Variants in STX11 observed in about 807,000 individuals in gnomAD.
STX11 encodes the protein syntaxin 11, also known as syntaxin-11.
STX11 carries 21 observed loss-of-function variants against 19.9 expected under a neutral mutation model. The ratio of observed to expected loss-of-function variants is 1.06; its 90% CI spans 0.75 to 1.52. The LOEUF (loss-of-function observed/expected upper bound fraction) is 1.52, where lower values mean the gene tolerates loss of function less well. Ranked by LOEUF, STX11 falls within the 40% of genes most tolerant of loss-of-function variation. STX11 has a pLI of 0.00. For missense variants in STX11, 438 were observed against 405.9 expected (o/e 1.08, Z -0.68); for synonymous variants, 193 against 174.4 (o/e 1.11, Z -0.84).
At chr6:144,149,773 G>A (rs1190790653), upstream of STX11, among the ~76,000 whole-genome samples, 1 of 152,154 alleles carries the variant, frequency 6.6e-6, no homozygotes, top group Non-Finnish European at 1.5e-5. The surrounding 1 kb of genome is among the most constrained non-coding windows in gnomAD (Gnocchi z 5.1). Context: ...ACCGCGCCCG[G>A]CCCGATTTTT....
Position 144,187,372 on chromosome 6 carries a change from G to A in STX11, c.745G>A (p.Val249Ile), listed in dbSNP as rs555738896. 39 of 1,610,520 alleles carry A rather than the reference G, an allele frequency of 2.4e-5. No individual in the cohort carries two copies. The African/African-American group carries it at 4.0e-4, about 17-fold the overall frequency. Residue 249 changes from valine (V) to isoleucine (I), a missense_variant, in exon 2 of 2, where the codon GTA becomes ATA. Val to Ile is a conservative substitution (Grantham distance 29, BLOSUM62 3). Coordinates refer to ENST00000367568, the MANE Select transcript of STX11 (RefSeq NM_003764.4). This position sits in a 1 kb window ranked among gnomAD's most constrained non-coding sequence, Gnocchi z 5.6. ...ADTLNVIELNVQKTVDYTGQA... is the reference protein window; with the variant it reads ...ADTLNVIELNIQKTVDYTGQA... Reference sequence around the variant, plus strand: ...CACCCTGAACGTCATCGAGCTCAACGTACAAAAGACGGTCGACTACACCGG... The same window carrying A: ...CACCCTGAACGTCATCGAGCTCAACATACAAAAGACGGTCGACTACACCGG...
At chr6:144,150,401 G>A (rs568360933), upstream of STX11, 84 of 792,794 alleles carry the variant, frequency 1.1e-4, 1 homozygote, top group South Asian at 4.3e-3. Context: ...GGTGGGGCGG[G>A]AACCCGCGCT....
chr6:144,178,251 A>T (rs1222099215), intron 1 of STX11, among the ~76,000 whole-genome samples: 1 of 152,188 alleles, frequency 6.6e-6, no homozygotes, highest in African/African-American at 2.4e-5. Flanking sequence ...GCTTAAACTC[A>T]TTAGGCCTCA....
rs759501406 is a variant in STX11, at chr6:144,187,074, C to G, written c.447C>G (p.Ala149=). ...GCGCCATGCACGACTACAACCAGGC[C>G]GAGATGAAGCAGCGCGACAACTGCA... is the stretch of plus-strand genomic sequence containing the variant. ...FQRAMHDYNQ[A]EMKQRDNCKI... is the part of the protein sequence containing the mutation. The change falls in exon 2 of 2, where the codon GCC becomes GCG. Residue 149 remains alanine (A), a synonymous_variant. Coordinates refer to ENST00000367568, the MANE Select transcript of STX11 (RefSeq NM_003764.4). The surrounding 1 kb of genome is among the most constrained non-coding windows in gnomAD (Gnocchi z 5.6). 1 of 1,613,552 alleles carries G rather than the reference C, an allele frequency of 6.2e-7. No homozygotes were observed. Among genetic ancestry groups the G allele is most frequent in the South Asian group, 1.1e-5 (1 of 91,086 alleles).
Position 144,188,398 on chromosome 6 carries a change from G to C in STX11, c.*907G>C. The C allele has an allele frequency of 4.4e-6, 1 of 226,032 alleles. No individual in the cohort carries two copies. The highest frequency in any genetic ancestry group is 9.6e-6 in the Non-Finnish European group (1 of 104,556). 14.0% of individuals were successfully genotyped at this position (226,032 alleles called of 1,614,324 possible). A position where few individuals can be genotyped will look rare whatever the true frequency, so the allele number is the denominator to read the frequency against. On this transcript the variant is annotated 3_prime_UTR_variant, in exon 2 of 2. Transcript: ENST00000367568. Reference sequence around the variant, plus strand: ...TCTGGCTCTTGGTATTGGTTTGCTTGTTTTGAGTTTGTTTCACTCCAGTTT... The same window carrying C: ...TCTGGCTCTTGGTATTGGTTTGCTTCTTTTGAGTTTGTTTCACTCCAGTTT...
the STX11 span, among the ~76,000 whole-genome samples, chr6:144,142,225 C>G: frequency 6.6e-6 from 1 of 151,750 alleles, no homozygotes; most frequent in Non-Finnish European, 1.5e-5. Context: ...ACATTGTAAC[C>G]AAACAATAGT....
At position 144,183,603 on chromosome 6, in the gene STX11, A is replaced by C. The variant is rs1000994810; in HGVS notation, c.-5-3020A>C. On this transcript the variant is annotated intron_variant, in intron 1 of 1. Transcript: ENST00000367568. This position sits in a 1 kb window ranked among gnomAD's most constrained non-coding sequence, Gnocchi z 4.6. Reference sequence around the variant, plus strand: ...ATTAAGTTGCAAAAACAAAGACACCACAGGAGTTTTAAATTAGACTTTTTT... The same window carrying C: ...ATTAAGTTGCAAAAACAAAGACACCCCAGGAGTTTTAAATTAGACTTTTTT... Among the ~76,000 whole-genome samples, 13 of 152,246 alleles carry C rather than the reference A, an allele frequency of 8.5e-5. No homozygotes were observed. Among genetic ancestry groups the C allele is most frequent in the African/African-American group, 3.1e-4 (13 of 41,462 alleles).
At position 144,176,811 on chromosome 6, in the gene STX11, TTTA is replaced by T. The variant is rs1354676371; in HGVS notation, c.-5-9811_-5-9809del. Among the ~76,000 whole-genome samples the T allele has an allele frequency of 2.6e-5, 4 of 152,158 alleles. No homozygotes were observed. The highest frequency in any genetic ancestry group is 5.9e-5 in the Non-Finnish European group (4 of 68,024). On this transcript the variant is annotated intron_variant, in intron 1 of 1. Coordinates refer to ENST00000367568, the MANE Select transcript of STX11 (RefSeq NM_003764.4). The surrounding 1 kb of genome is among the most constrained non-coding windows in gnomAD (Gnocchi z 4.1). ...AAAGCAAGGAAGTGTGTCCAGGCAT[TTTA>T]GAAGAGGATTTCCAACAAAGATAAG...
rs896900829 is a variant in STX11, at chr6:144,152,477, G to A, written c.-6+1774G>A. On this transcript the variant is annotated intron_variant, in intron 1 of 1. Coordinates refer to ENST00000367568, the MANE Select transcript of STX11 (RefSeq NM_003764.4). This position sits in a 1 kb window ranked among gnomAD's most constrained non-coding sequence, Gnocchi z 4.9. ...ATTTAAAAATGTATGAATTTGAAAG[G>A]TATGGTTTTTAAAGTGCTTGAATGA... Among the ~76,000 whole-genome samples the A allele has an allele frequency of 6.6e-6, 1 of 152,094 alleles. No homozygotes were observed. The highest frequency in any genetic ancestry group is 2.4e-5 in the African/African-American group (1 of 41,390).
intron 1 of STX11, among the ~76,000 whole-genome samples, chr6:144,168,351 A>G (rs1384335389): frequency 2.0e-5 from 3 of 152,204 alleles, no homozygotes; most frequent in African/African-American, 7.2e-5. Flanking sequence ...TAGTCCTTCA[A>G]TAAGCTCATC....
At position 144,154,741 on chromosome 6, in the gene STX11, C is replaced by G. The variant is rs1186969117; in HGVS notation, c.-6+4038C>G. 6.6e-6 allele frequency among the ~76,000 whole-genome samples: 1 copy of G among 152,208 alleles called. No homozygotes were observed. The highest frequency in any genetic ancestry group is 1.5e-5 in the Non-Finnish European group (1 of 68,036). On this transcript the variant is annotated intron_variant, in intron 1 of 1. Coordinates refer to ENST00000367568, the MANE Select transcript of STX11 (RefSeq NM_003764.4). The surrounding 1 kb of genome is among the most constrained non-coding windows in gnomAD (Gnocchi z 4.7). ...AATCCTATTTTGTTCTAGTTTTACCCTGAAGCAGGCGCCTTACCTGCCTCT... is the reference window on the plus strand; with the variant it reads ...AATCCTATTTTGTTCTAGTTTTACCGTGAAGCAGGCGCCTTACCTGCCTCT...
rs1801059449 is a variant in STX11 at position 144,153,557 on chromosome 6, G to A, written c.-6+2854G>A. Among the ~76,000 whole-genome samples the A allele has an allele frequency of 6.6e-6, 1 of 152,168 alleles. No homozygotes were observed. The highest frequency in any genetic ancestry group is 2.4e-5 in the African/African-American group (1 of 41,440). ...CCCATGAGGGTTTAATAGTACTGAAGCCTTTGAACAAGTGAATGATATTGT... is the reference window on the plus strand; with the variant it reads ...CCCATGAGGGTTTAATAGTACTGAAACCTTTGAACAAGTGAATGATATTGT... On this transcript the variant is annotated intron_variant, in intron 1 of 1. Coordinates refer to ENST00000367568, the MANE Select transcript of STX11 (RefSeq NM_003764.4). The surrounding 1 kb of genome is among the most constrained non-coding windows in gnomAD (Gnocchi z 5.0).
chr6:144,142,777 A>G, the STX11 span, among the ~76,000 whole-genome samples: 1 of 152,168 alleles, frequency 6.6e-6, no homozygotes, highest in Non-Finnish European at 1.5e-5. Context: ...GTCTGGTCAA[A>G]GGGTACAAAT....
chr6:144,178,627 C>T (rs1801830801), intron 1 of STX11, among the ~76,000 whole-genome samples: 2 of 152,194 alleles, frequency 1.3e-5, no homozygotes, highest in Admixed American at 1.3e-4. Context: ...GCTGTCTCCT[C>T]CAGCAGTGGT....
rs1218177527 is a variant in STX11, at chr6:144,165,235, A to G, written c.-6+14532A>G. On this transcript the variant is annotated intron_variant, in intron 1 of 1. Coordinates refer to ENST00000367568, the MANE Select transcript of STX11 (RefSeq NM_003764.4). This position sits in a 1 kb window ranked among gnomAD's most constrained non-coding sequence, Gnocchi z 5.8. ...TTTGGGAGGCTGAGGCGGGCAGATC[A>G]CCTGAGGTTGGGAGTTTGAGACCAA... is the stretch of plus-strand genomic sequence containing the variant. Among the ~76,000 whole-genome samples the G allele has an allele frequency of 6.6e-6, 1 of 151,994 alleles. No individual in the cohort carries two copies. The highest frequency in any genetic ancestry group is 1.5e-5 in the Non-Finnish European group (1 of 67,998).
In STX11 at chr6:144,155,990, CTTTCTT is replaced by C. The variant is rs1220239250; in HGVS notation, c.-6+5289_-6+5294del. Among the ~76,000 whole-genome samples, 1 of 132,178 alleles carries C rather than the reference CTTTCTT, an allele frequency of 7.6e-6. No homozygotes were observed. The highest frequency in any genetic ancestry group is 2.3e-4 in the East Asian group (1 of 4,314). The allele number at this position is 132,178 out of a possible 152,430, so 86.7% of individuals were successfully genotyped here. A position where few individuals can be genotyped will look rare whatever the true frequency, so the allele number is the denominator to read the frequency against. On this transcript the variant is annotated intron_variant, in intron 1 of 1. Coordinates refer to ENST00000367568, the MANE Select transcript of STX11 (RefSeq NM_003764.4). This position sits in a 1 kb window ranked among gnomAD's most constrained non-coding sequence, Gnocchi z 4.5. Reference sequence around the variant, plus strand: ...TCTTTCTTTCTTTCTTTCTTTCTTTCTTTCTTTCTTTCTTTCTTTCTTTCTCTCTTT... The same window carrying C: ...TCTTTCTTTCTTTCTTTCTTTCTTTCTCTTTCTTTCTTTCTTTCTCTCTTT...
At position 144,150,582 on chromosome 6, in the gene STX11, C is replaced by T. The variant is rs1000392000; in HGVS notation, c.-127C>T. ...GGAACTCAGCCTCGGCCGCAGGAGG[C>T]GCCGGGAGCGGAGCCGCCGGGAGTC... On this transcript the variant is annotated 5_prime_UTR_variant, in exon 1 of 2. Coordinates refer to ENST00000367568, the MANE Select transcript of STX11 (RefSeq NM_003764.4). 1.7e-5 allele frequency: 17 copies of T among 985,270 alleles called. No homozygotes were observed. Among genetic ancestry groups the T allele is most frequent in the African/African-American group, 3.5e-5 (2 of 57,220 alleles). 61.0% of individuals were successfully genotyped at this position (985,270 alleles called of 1,614,324 possible). A position where few individuals can be genotyped will look rare whatever the true frequency, so the allele number is the denominator to read the frequency against.
upstream of STX11, among the ~76,000 whole-genome samples, chr6:144,148,849 C>T (rs1233863762): frequency 6.6e-6 from 1 of 152,218 alleles, no homozygotes; most frequent in East Asian, 1.9e-4. Flanking sequence ...CTCGCTTCAG[C>T]CTCTCAAAGT....
rs945139525 is a variant in STX11 at position 144,162,795 on chromosome 6, A to G, written c.-6+12092A>G. Among the ~76,000 whole-genome samples, 5 of 152,204 alleles carry G rather than the reference A, an allele frequency of 3.3e-5. No individual in the cohort carries two copies. Among genetic ancestry groups the G allele is most frequent in the Non-Finnish European group, 5.9e-5 (4 of 68,044 alleles). ...CAAGACAGGCTAAGAGCAGTAAGTAAAAAATTACTCAACTATCATTTATAA... is the reference window on the plus strand; with the variant it reads ...CAAGACAGGCTAAGAGCAGTAAGTAGAAAATTACTCAACTATCATTTATAA... On this transcript the variant is annotated intron_variant, in intron 1 of 1. Transcript: ENST00000367568. This position sits in a 1 kb window ranked among gnomAD's most constrained non-coding sequence, Gnocchi z 4.6.
Sources: allele counts gnomAD v4.1 joint callset (sites outside exome capture counted in the v4.1 genomes callset), GRCh38; gene constraint gnomAD v4.1.1; non-coding constraint Gnocchi (gnomAD v3.1); transcripts MANE v1.5; gene names NCBI Gene and HGNC (gene_info 2026-07-23, HGNC 2026-07-21).